Variants in TGM2 observed in about 807,000 individuals in gnomAD.
TGM2 encodes the protein transglutaminase 2, also known as protein-glutamine gamma-glutamyltransferase 2.
A neutral mutation model predicts 75.6 loss-of-function variants in TGM2; 53 were observed. The ratio of observed to expected loss-of-function variants is 0.70; its 90% CI spans 0.56 to 0.88. The LOEUF is 0.88. Among genes scored for constraint, TGM2 ranks in the 40% least tolerant of loss-of-function variants. The pLI is 0.00. For synonymous variants in TGM2, 374 were observed against 381.1 expected (o/e 0.98, Z 0.22); for missense variants, 842 against 928.5 (o/e 0.91, Z 1.21).
chr20:38,157,065 A>G (rs2075197128), intron 2 of TGM2, among the ~76,000 whole-genome samples: 1 of 152,156 alleles, frequency 6.6e-6, no homozygotes, highest in Admixed American at 6.5e-5. Context: ...CTTTCTGGAC[A>G]TGGGTGGTGG....
In TGM2 at chr20:38,127,764, T is replaced by C. The variant is rs2074781418; in HGVS notation, c.*2455A>G. On this transcript the variant is annotated 3_prime_UTR_variant, in exon 13 of 13. Transcript: ENST00000361475. ...TTTGGATATATTGGATTAAATAAAA[T>C]ACATTATTAAAGCTAATTCCACCTA... 6.6e-6 allele frequency: 1 copy of C among 152,236 alleles called. No homozygotes were observed. The highest frequency in any genetic ancestry group is 1.5e-5 in the Non-Finnish European group (1 of 68,038). The allele number at this position is 152,236 out of a possible 1,614,324, so 9.4% of individuals were successfully genotyped here.
intron 8 of TGM2, 117 bp from the exon 9 acceptor site, chr20:38,139,771 G>A: frequency 7.4e-7 from 1 of 1,347,952 alleles, no homozygotes; most frequent in Non-Finnish European, 1.0e-6. Context: ...GCGGCCCTCT[G>A]ACGGAAGGAC....
chr20:38,145,820 A>C (rs2075038413), intron 6 of TGM2: 1 of 128,278 alleles, frequency 7.8e-6, no homozygotes, highest in African/African-American at 3.1e-5. Flanking sequence ...CCCAGGCTGG[A>C]GTGCAATGGT....
rs1257291968 is a variant in TGM2 at position 38,129,884 on chromosome 20, A to C, written c.*335T>G. On this transcript the variant is annotated 3_prime_UTR_variant, in exon 13 of 13. Coordinates refer to ENST00000361475, the MANE Select transcript of TGM2 (RefSeq NM_004613.4). ...TCCAAGGAGCTATGAAGTAGATCAAACAATATGGTGGGTGGTCAATGGCTT... is the reference window on the plus strand; with the variant it reads ...TCCAAGGAGCTATGAAGTAGATCAACCAATATGGTGGGTGGTCAATGGCTT... 2 of 349,390 alleles carry C rather than the reference A, an allele frequency of 5.7e-6. No homozygotes were observed. The highest frequency in any genetic ancestry group is 4.2e-5 in the African/African-American group (2 of 48,082). The allele number at this position is 349,390 out of a possible 1,614,324, so 21.6% of individuals were successfully genotyped here. A position where few individuals can be genotyped will look rare whatever the true frequency, so the allele number is the denominator to read the frequency against.
chr20:38,133,027 TA>T, intron 10 of TGM2: 1 of 360,306 alleles, frequency 2.8e-6, no homozygotes, highest in Non-Finnish European at 5.5e-6. Flanking sequence ...GTACGTGTAT[TA>T]CCACCCAACT....
Position 38,165,231 on chromosome 20 carries a change from C to T in TGM2, c.-33G>A. 4 of 1,612,468 alleles carry T rather than the reference C, an allele frequency of 2.5e-6. No individual in the cohort carries two copies. Among genetic ancestry groups the T allele is most frequent in the East Asian group, 2.2e-5 (1 of 44,864 alleles). On this transcript the variant is annotated 5_prime_UTR_variant, in exon 1 of 13. Coordinates refer to ENST00000361475, the MANE Select transcript of TGM2 (RefSeq NM_004613.4). ...CGGGGGCGGTGGCTCCTTCCACTGGCGGCGAGACCCTCCAAGTGCGACCAC... is the reference window on the plus strand; with the variant it reads ...CGGGGGCGGTGGCTCCTTCCACTGGTGGCGAGACCCTCCAAGTGCGACCAC...
intron 3 of TGM2, among the ~76,000 whole-genome samples, chr20:38,152,508 T>C (rs2122936037): frequency 1.3e-5 from 2 of 152,238 alleles, no homozygotes; most frequent in Middle Eastern, 6.8e-3. Context: ...TTAGAATGAG[T>C]GTCAGCACTT....
intron 2 of TGM2, among the ~76,000 whole-genome samples, chr20:38,159,096 G>A (rs2075222748): frequency 6.6e-6 from 1 of 152,126 alleles, no homozygotes; most frequent in Non-Finnish European, 1.5e-5. Context: ...TGCTGAGGTG[G>A]GAAGGTCAGC....
rs921853838 is a variant in TGM2 at position 38,128,989 on chromosome 20, C to T, written c.*1230G>A. 1.3e-5 allele frequency: 2 copies of T among 152,476 alleles called. No homozygotes were observed. The highest frequency in any genetic ancestry group is 4.8e-5 in the African/African-American group (2 of 41,442). The allele number at this position is 152,476 out of a possible 1,614,324, so 9.4% of individuals were successfully genotyped here. On this transcript the variant is annotated 3_prime_UTR_variant, in exon 13 of 13. Coordinates refer to ENST00000361475, the MANE Select transcript of TGM2 (RefSeq NM_004613.4). Reference sequence around the variant, plus strand: ...CAGGGGTGTCCAGGGCTCTTCTCCCCTAGAACTGGGGTCTGAAGGGTGGTA... The same window carrying T: ...CAGGGGTGTCCAGGGCTCTTCTCCCTTAGAACTGGGGTCTGAAGGGTGGTA...
intron 8 of TGM2, among the ~76,000 whole-genome samples, chr20:38,140,415 A>G (rs6123394): frequency 0.025 from 3,798 of 152,358 alleles, 94 homozygotes; most frequent in East Asian, 0.059. Context: ...TGGAGGTCTT[A>G]AACCAGGGCC....
Position 38,156,044 on chromosome 20 carries a change from A to C in TGM2, c.236T>G (p.Leu79Arg). Residue 79 changes from leucine (L) to arginine (R), a missense_variant, in exon 3 of 13, where the codon CTA (leucine) becomes CGA (arginine). Transcript: ENST00000361475. ...QEAGTKARFP[L>R]RDAVEEGDWT... ...GTCACCCTCCTCCACAGCATCTCTTAGTGGAAAACGGGCCTTGGTCCCGGC... is the reference window on the plus strand; with the variant it reads ...GTCACCCTCCTCCACAGCATCTCTTCGTGGAAAACGGGCCTTGGTCCCGGC... 1 of 1,613,866 alleles carries C rather than the reference A, an allele frequency of 6.2e-7. No homozygotes were observed. Among genetic ancestry groups the C allele is most frequent in the Non-Finnish European group, 8.5e-7 (1 of 1,179,988 alleles).
rs922410327 is a variant in TGM2 at position 38,162,708 on chromosome 20, T to TA, written c.11-1110dup. ...AGAATTTTTGTTAATTTGTTTGTGT[T>TA]AAAAAAAAGAGAGTCCTTATCCTTT... On this transcript the variant is annotated intron_variant, in intron 1 of 12. Transcript: ENST00000361475. 1.2e-4 allele frequency among the ~76,000 whole-genome samples: 19 copies of TA among 152,082 alleles called. 1 individual carries two copies. The Middle Eastern group carries it at 0.01, about 82-fold the overall frequency.
At chr20:38,152,685 C>G (rs960345490) in intron 3 of TGM2, among the ~76,000 whole-genome samples, 1 of 152,256 alleles carries the variant, frequency 6.6e-6, no homozygotes, top group Non-Finnish European at 1.5e-5. Flanking sequence ...ATTTTCCAGG[C>G]AGACCCGGCC....
rs772011437 is a variant in TGM2 at position 38,131,205 on chromosome 20, G to A, written c.1801C>T (p.Arg601Cys). The A allele has an allele frequency of 1.2e-5, 19 of 1,613,894 alleles. No homozygotes were observed. The highest frequency in any genetic ancestry group is 3.3e-5 in the Admixed American group (2 of 60,002). The stretch of plus-strand genomic sequence containing the variant: ...AGGGACACCTCAGCCACCAGCTTGC[G>A]TTTCTGCTTGGGCTCCCCAAGGATC... ...IRILGEPKQK[R>C]KLVAEVSLQN... The change falls in exon 12 of 13, where the codon CGC (arginine) becomes TGC (cysteine). Residue 601 changes from arginine to cysteine, a missense_variant. By Grantham distance (180) the Arg-to-Cys change is radical. Transcript: ENST00000361475.
intron 6 of TGM2, among the ~76,000 whole-genome samples, chr20:38,144,457 G>A (rs767010422): frequency 6.6e-6 from 1 of 152,200 alleles, no homozygotes; most frequent in Non-Finnish European, 1.5e-5. Flanking sequence ...TCGTCCATCA[G>A]TGCTGGCTGA....
intron 2 of TGM2, among the ~76,000 whole-genome samples, chr20:38,158,322 C>T (rs1438841572): frequency 6.6e-6 from 1 of 152,218 alleles, no homozygotes; most frequent in African/African-American, 2.4e-5. Context: ...CCGCTGCTCA[C>T]GTAAGCTGAC....
intron 12 of TGM2, 97 bp downstream of exon 12, chr20:38,130,996 A>T: frequency 6.3e-7 from 1 of 1,578,894 alleles, no homozygotes; most frequent in Non-Finnish European, 8.6e-7. Flanking sequence ...AGAGGAGGGG[A>T]TTTTCAGCCA....
In TGM2 at chr20:38,147,985, G is replaced by C. The variant is rs1156389953; in HGVS notation, c.657C>G (p.Tyr219Ter). 2 of 1,612,838 alleles carry C rather than the reference G, an allele frequency of 1.2e-6. No homozygotes were observed. Among genetic ancestry groups the C allele is most frequent in the Non-Finnish European group, 1.7e-6 (2 of 1,179,830 alleles). ...RDCSRRSSPV[Y>*]VGRVVSGMVN... ...CCATGCCACTCACCACCCGGCCCAC[G>C]TAGACGGGGCTGCTGCGGCGGGAGC... Residue 219 changes from tyrosine (Y) to a stop codon, truncating the protein, a stop_gained, in exon 5 of 13, where the codon TAC becomes TAG. Transcript: ENST00000361475. LOFTEE classifies it high-confidence loss of function.
chr20:38,162,159 C>G (rs6068979), intron 1 of TGM2, among the ~76,000 whole-genome samples: 1 of 152,184 alleles, frequency 6.6e-6, no homozygotes, highest in African/African-American at 2.4e-5. Context: ...GTGGCACTTC[C>G]TAGCTGTGTG....
Sources: gnomAD v4.1 joint callset for allele counts (sites outside exome capture counted in the v4.1 genomes callset) on GRCh38, gnomAD v4.1.1 for gene constraint, MANE v1.5 for transcripts, NCBI Gene and HGNC (gene_info 2026-07-23, HGNC 2026-07-21) for gene names.